CSMD1: variants seen among roughly 807,000 people sequenced by gnomAD.
CSMD1 encodes the protein CUB and Sushi multiple domains 1, also known as CUB and sushi domain-containing protein 1.
In CSMD1, 213 loss-of-function variants were observed where a neutral mutation model predicts 417.5. The ratio of observed to expected loss-of-function variants is 0.51; its 90% confidence interval spans 0.46 to 0.57. CSMD1 has a LOEUF of 0.57. CSMD1 is among the 20% of genes least tolerant of loss of function. The probability of loss-of-function intolerance (pLI) is 0.00; values close to 1 mark genes in which losing one functional copy is unlikely to be tolerated. For missense variants in CSMD1, 6,923 were observed against 4,529.7 expected (o/e 1.53, Z -15.17); for synonymous variants, 2,862 against 1,736.8 (o/e 1.65, Z -16.11).
At chr8:4,764,872 C>CAAAAAAAAAAAAAAAAAAAAAAAAAAAA (rs1194894751) in intron 1 of CSMD1, among the ~76,000 whole-genome samples, 4 of 50,936 alleles carry the variant, frequency 7.9e-5, no homozygotes, top group African/African-American at 3.3e-4. Flanking sequence ...GACTCCATCT[C>CAAAAAAAAAAAAAAAAAAAAAAAAAAAA]AAAAAAAAAA....
intron 5 of CSMD1, among the ~76,000 whole-genome samples, chr8:3,978,034 T>A (rs1813574307): frequency 6.6e-6 from 1 of 152,166 alleles, no homozygotes; most frequent in Non-Finnish European, 1.5e-5. Flanking sequence ...TGCTTGTCCA[T>A]CTCATAGCTT....
intron 3 of CSMD1, among the ~76,000 whole-genome samples, chr8:4,241,683 T>C (rs1802412551): frequency 1.3e-5 from 2 of 150,092 alleles, no homozygotes; most frequent in South Asian, 2.1e-4. Flanking sequence ...AGATAAGAAA[T>C]GGGATTTGGA....
intron 2 of CSMD1, among the ~76,000 whole-genome samples, chr8:4,625,050 G>A (rs1173909580): frequency 6.6e-6 from 1 of 152,120 alleles, no homozygotes; most frequent in Non-Finnish European, 1.5e-5. Flanking sequence ...CGGGAAGAAT[G>A]ACAGTCACAT....
intron 5 of CSMD1, among the ~76,000 whole-genome samples, chr8:3,820,152 G>A (rs1056840653): frequency 6.6e-6 from 1 of 152,150 alleles, no homozygotes; most frequent in Non-Finnish European, 1.5e-5. Context: ...AGTTTAATTT[G>A]AATGCCTTGC....
chr8:3,587,079 C>T (rs11778159), intron 8 of CSMD1, among the ~76,000 whole-genome samples: 1 of 152,064 alleles, frequency 6.6e-6, no homozygotes, highest in Admixed American at 6.5e-5. Flanking sequence ...GGATTACAGG[C>T]GTGAGCCACT....
rs1159158229 is a variant in CSMD1, at chr8:3,436,875, A to T, written c.1562-27270T>A. ...ATTCGGGATTATTAGAGATGAAAACATTAAGGTAATGCCAATTATTATTTT... is the reference window on the plus strand; with the variant it reads ...ATTCGGGATTATTAGAGATGAAAACTTTAAGGTAATGCCAATTATTATTTT... On this transcript the variant is annotated intron_variant, in intron 12 of 69. Coordinates refer to ENST00000635120, the MANE Select transcript of CSMD1 (RefSeq NM_033225.6). Among the ~76,000 whole-genome samples the T allele has an allele frequency of 4.6e-5, 7 of 152,208 alleles. No homozygotes were observed. In the East Asian group the frequency reaches 1.2e-3, roughly 25 times the overall value.
At chr8:3,276,165 C>G (rs145982564) in intron 26 of CSMD1, among the ~76,000 whole-genome samples, 2,220 of 152,180 alleles carry the variant, frequency 0.015, 61 homozygotes, top group African/African-American at 0.05. Context: ...CCTTCAGATG[C>G]AGGTCTGTTG....
intron 49 of CSMD1, among the ~76,000 whole-genome samples, chr8:3,061,898 C>T (rs1812612472): frequency 6.6e-6 from 1 of 152,116 alleles, no homozygotes; most frequent in East Asian, 1.9e-4. Context: ...CACCCACATT[C>T]TTATGACTAG....
chr8:2,991,353 T>C (rs181517459), intron 54 of CSMD1, among the ~76,000 whole-genome samples: 51 of 152,368 alleles, frequency 3.3e-4, no homozygotes, highest in East Asian at 1.5e-3. Context: ...CATCTACGAA[T>C]GAAACTGTCA....
intron 2 of CSMD1, among the ~76,000 whole-genome samples, chr8:4,470,847 A>AT (rs538744340): frequency 2.5e-4 from 38 of 152,048 alleles, no homozygotes; most frequent in African/African-American, 8.0e-4. Context: ...GGCTTCTTTG[A>AT]TTTTTTTTGA....
At position 3,901,346 on chromosome 8, in the gene CSMD1, T is replaced by G. The variant is rs118161581; in HGVS notation, c.818+96557A>C. Among the ~76,000 whole-genome samples, 73 of 152,304 alleles carry G rather than the reference T, an allele frequency of 4.8e-4. 1 individual carries two copies. The East Asian group carries it at 0.014, about 28-fold the overall frequency. On this transcript the variant is annotated intron_variant, in intron 5 of 69. Coordinates refer to ENST00000635120, the MANE Select transcript of CSMD1 (RefSeq NM_033225.6). ...GCTTCAACCCAATCTCCAATTTAAT[T>G]TTTTTCAAAGTGTGTTGATTGGAAG...
chr8:4,893,484 A>G (rs1448774863), intron 1 of CSMD1, among the ~76,000 whole-genome samples: 8 of 152,072 alleles, frequency 5.3e-5, no homozygotes, highest in Admixed American at 5.2e-4. Flanking sequence ...GAGCTTCCCA[A>G]TTAATGTATT....
chr8:4,659,374 G>C (rs1233444538), intron 1 of CSMD1, among the ~76,000 whole-genome samples: 2 of 152,104 alleles, frequency 1.3e-5, no homozygotes, highest in African/African-American at 2.4e-5. Flanking sequence ...GATTAGAGCA[G>C]ATATATTTAA....
At chr8:3,959,184 TA>T (rs1191972307) in intron 5 of CSMD1, among the ~76,000 whole-genome samples, 5 of 152,194 alleles carry the variant, frequency 3.3e-5, no homozygotes. Context: ...GGCATCTTTT[TA>T]AAAACTGACT....
At chr8:3,226,134 C>G (rs1798488814) in intron 27 of CSMD1, among the ~76,000 whole-genome samples, 1 of 152,188 alleles carries the variant, frequency 6.6e-6, no homozygotes, top group Non-Finnish European at 1.5e-5. Context: ...TAAATAGACA[C>G]CTTTATGTCA....
At position 3,396,348 on chromosome 8, in the gene CSMD1, C is replaced by T. The variant is rs376085929; in HGVS notation, c.2439G>A (p.Glu813=). ...FQTEVNYDTL[E]VRDGPASSSP... Reference sequence around the variant, plus strand: ...ACGAACTGGCTGGCCCATCTCTGACCTCCAAGGTGTCATAATTGACCTCTG... The same window carrying T: ...ACGAACTGGCTGGCCCATCTCTGACTTCCAAGGTGTCATAATTGACCTCTG... The change falls in exon 17 of 70, where the codon GAG becomes GAA. Residue 813 remains glutamate, a synonymous_variant. Transcript: ENST00000635120. 33 of 1,602,832 alleles carry T rather than the reference C, an allele frequency of 2.1e-5. No homozygotes were observed. In the African/African-American group the frequency reaches 3.7e-4, roughly 18 times the overall value.
chr8:3,614,053 T>A (rs1254431054), intron 8 of CSMD1, among the ~76,000 whole-genome samples: 1 of 152,174 alleles, frequency 6.6e-6, no homozygotes, highest in Non-Finnish European at 1.5e-5. Flanking sequence ...TATAACTAGC[T>A]TGTCTCTGTT....
chr8:4,339,941 C>G (rs1180869471), intron 3 of CSMD1, among the ~76,000 whole-genome samples: 2 of 152,012 alleles, frequency 1.3e-5, no homozygotes, highest in Non-Finnish European at 2.9e-5. Context: ...AAGAGGATCA[C>G]TTGAGTTCAT....
At chr8:4,042,549 T>C (rs1460413033) in intron 3 of CSMD1, among the ~76,000 whole-genome samples, 4 of 151,944 alleles carry the variant, frequency 2.6e-5, no homozygotes, top group Non-Finnish European at 5.9e-5. Context: ...AATATTAAAA[T>C]GAGTCATTCC....
Sources: gnomAD v4.1 joint callset for allele counts (sites outside exome capture counted in the v4.1 genomes callset) on GRCh38, gnomAD v4.1.1 for gene constraint, MANE v1.5 for transcripts, NCBI Gene and HGNC (gene_info 2026-07-23, HGNC 2026-07-21) for gene names.